DMRT1: variants seen among roughly 807,000 people sequenced by gnomAD.
DMRT1 encodes doublesex- and mab-3-related transcription factor 1.
DMRT1 carries 7 observed loss-of-function variants against 32.3 expected under a neutral mutation model. The observed-to-expected ratio is 0.22, with a 90% CI of 0.12 to 0.41. DMRT1 has a LOEUF of 0.41. DMRT1 is among the 10% of genes least tolerant of loss of function. The pLI, the probability that DMRT1 is intolerant of heterozygous loss-of-function variation, is 1.00. For missense variants in DMRT1, 625 were observed against 500.5 expected, an observed-to-expected ratio of 1.25 and a Z score of -2.37; for synonymous variants, 278 against 206.1, an observed-to-expected ratio of 1.35 and a Z score of -2.99.
chr9:894,256 C>T, intron 3 of DMRT1, 61 bp downstream of exon 3: 9 of 1,551,376 alleles, frequency 5.8e-6, no homozygotes, highest in Admixed American at 1.7e-5. Flanking sequence ...CATGTGCACA[C>T]ACATGCACAT....
intron 1 of DMRT1, 45 bp from the exon 2 acceptor site, chr9:846,915 T>G: frequency 1.2e-6 from 2 of 1,612,826 alleles, no homozygotes; most frequent in East Asian, 4.5e-5. Flanking sequence ...TTGGCAAAGC[T>G]GATTCTGGAG....
At chr9:866,232 A>T (rs1380027710) in intron 2 of DMRT1, among the ~76,000 whole-genome samples, 1 of 150,784 alleles carries the variant, frequency 6.6e-6, no homozygotes, top group African/African-American at 2.4e-5. Context: ...CAGGACTCTG[A>T]GACTGGGACG....
At chr9:899,058 A>T (rs1817476277) in intron 3 of DMRT1, among the ~76,000 whole-genome samples, 1 of 152,040 alleles carries the variant, frequency 6.6e-6, no homozygotes, top group Non-Finnish European at 1.5e-5. Context: ...CAGATGGTTC[A>T]CTAGTCATGT....
chr9:869,409 G>A (rs914452684), intron 2 of DMRT1, among the ~76,000 whole-genome samples: 16 of 152,164 alleles, frequency 1.1e-4, no homozygotes, highest in Admixed American at 9.2e-4. Context: ...GCTGTTCTCC[G>A]TAGGAATTAC....
At chr9:948,819 G>A (rs1235087442) in intron 4 of DMRT1, among the ~76,000 whole-genome samples, 1 of 151,728 alleles carries the variant, frequency 6.6e-6, no homozygotes, top group Non-Finnish European at 1.5e-5. Flanking sequence ...ACTTCGGGAG[G>A]CCAAAGTGGA....
At chr9:899,388 A>T (rs1410253354) in intron 3 of DMRT1, among the ~76,000 whole-genome samples, 1 of 152,196 alleles carries the variant, frequency 6.6e-6, no homozygotes, top group Non-Finnish European at 1.5e-5. Flanking sequence ...GCAAGCCACG[A>T]ATAATTACTG....
At chr9:897,857 A>G (rs1055742667) in intron 3 of DMRT1, among the ~76,000 whole-genome samples, 1 of 152,216 alleles carries the variant, frequency 6.6e-6, no homozygotes, top group Non-Finnish European at 1.5e-5. Flanking sequence ...AAAGACTGAC[A>G]TGCGAATATG....
At chr9:893,779 A>C in intron 2 of DMRT1, 133 bp from the exon 3 acceptor site, 2 of 802,254 alleles carry the variant, frequency 2.5e-6, no homozygotes, top group Middle Eastern at 6.8e-4. Context: ...CTATAGGAGA[A>C]GCAACAGATG....
At chr9:952,016 A>G (rs1323072009) in intron 4 of DMRT1, among the ~76,000 whole-genome samples, 2 of 152,114 alleles carry the variant, frequency 1.3e-5, no homozygotes, top group Non-Finnish European at 2.9e-5. Context: ...AGCCTTTAAC[A>G]TTGTTGTTTT....
chr9:856,380 C>G (rs746332751), intron 2 of DMRT1, among the ~76,000 whole-genome samples: 15 of 152,144 alleles, frequency 9.9e-5, no homozygotes, highest in Non-Finnish European at 2.2e-4. Context: ...TGGAACATTT[C>G]AGTCACTCCC....
At chr9:851,044 A>G (rs942636247) in intron 2 of DMRT1, among the ~76,000 whole-genome samples, 5 of 65,820 alleles carry the variant, frequency 7.6e-5, no homozygotes, top group African/African-American at 1.3e-4. Flanking sequence ...AAAAAAAAAA[A>G]AGAAAGAAAA....
chr9:938,888 G>A (rs533980297), intron 4 of DMRT1, among the ~76,000 whole-genome samples: 21 of 152,292 alleles, frequency 1.4e-4, no homozygotes, highest in South Asian at 1.0e-3. Flanking sequence ...ATATACGACC[G>A]TGATCATGTT....
At chr9:867,475 C>G (rs1381333413) in intron 2 of DMRT1, among the ~76,000 whole-genome samples, 1 of 152,246 alleles carries the variant, frequency 6.6e-6, no homozygotes, top group Non-Finnish European at 1.5e-5. Context: ...GAGTAGCTCT[C>G]ATTTACCGAG....
chr9:953,085 G>C (rs1819482100), intron 4 of DMRT1, among the ~76,000 whole-genome samples: 1 of 152,142 alleles, frequency 6.6e-6, no homozygotes, highest in African/African-American at 2.4e-5. Context: ...TACATGCTTT[G>C]TGTGTCCCTG....
At chr9:901,911 CTTTTTTTTTTT>C (rs34006231) in intron 3 of DMRT1, among the ~76,000 whole-genome samples, 6 of 114,308 alleles carry the variant, frequency 5.2e-5, no homozygotes, top group Admixed American at 3.7e-4. Flanking sequence ...GAAACTAGCC[CTTTTTTTTTTT>C]TTTTTTTTGA....
chr9:934,047 G>A (rs949761256), intron 4 of DMRT1, among the ~76,000 whole-genome samples: 1 of 151,852 alleles, frequency 6.6e-6, no homozygotes, highest in Non-Finnish European at 1.5e-5. Flanking sequence ...GATGATGAAA[G>A]TGAGTAACTC....
At position 878,239 on chromosome 9, in the gene DMRT1, G is replaced by C. The variant is rs1302699457; in HGVS notation, c.539-15673G>C. Among the ~76,000 whole-genome samples, 4 of 119,194 alleles carry C rather than the reference G, an allele frequency of 3.4e-5. No homozygotes were observed. In the Admixed American group the frequency reaches 5.2e-4, roughly 15 times the overall value. 78.2% of individuals were successfully genotyped at this position (119,194 alleles called of 152,430 possible). A position where few individuals can be genotyped will look rare whatever the true frequency, so the allele number is the denominator to read the frequency against. On this transcript the variant is annotated intron_variant, in intron 2 of 4. Coordinates refer to ENST00000382276, the MANE Select transcript of DMRT1 (RefSeq NM_021951.3). The stretch of plus-strand genomic sequence containing the variant: ...CAATAAAAATGTCTGCCTGTCTTAA[G>C]GTAATCACAGGAGTGGCTGCACTTC...
intron 2 of DMRT1, among the ~76,000 whole-genome samples, chr9:862,392 G>T (rs7018717): frequency 0.88 from 133,514 of 151,566 alleles, 58,989 homozygotes; most frequent in Middle Eastern, 0.95. Context: ...TCCCAGGCAC[G>T]CGGCAGGCTG....
intron 4 of DMRT1, among the ~76,000 whole-genome samples, chr9:935,604 CA>C (rs1207289540): frequency 6.6e-6 from 1 of 152,206 alleles, no homozygotes; most frequent in African/African-American, 2.4e-5. Flanking sequence ...ACATTTCTAT[CA>C]GCACTTGCCT....
Sources: allele counts gnomAD v4.1 joint callset (sites outside exome capture counted in the v4.1 genomes callset), GRCh38; gene constraint gnomAD v4.1.1; transcripts MANE v1.5; gene names NCBI Gene and HGNC (gene_info 2026-07-23, HGNC 2026-07-21).